Variants in MYLK3 observed in about 807,000 individuals in gnomAD.
MYLK3 encodes the protein MLC kinase.
A neutral mutation model predicts 76.3 loss-of-function variants in MYLK3; 55 were observed. The observed-to-expected ratio is 0.72, with a 90% CI of 0.58 to 0.90. The LOEUF (loss-of-function observed/expected upper bound fraction) is 0.90. Among genes scored for constraint, MYLK3 ranks in the 40% least tolerant of loss-of-function variants. The probability of loss-of-function intolerance (pLI) is 0.00; values close to 1 mark genes in which losing one functional copy is unlikely to be tolerated. For missense variants in MYLK3, 973 were observed against 1,053.6 expected (o/e 0.92, Z 1.06); for synonymous variants, 416 against 425.4 (o/e 0.98, Z 0.27).
At chr16:46,750,210 G>A (rs1246766780), upstream of MYLK3, among the ~76,000 whole-genome samples, 1 of 152,198 alleles carries the variant, frequency 6.6e-6, no homozygotes, top group Admixed American at 6.5e-5. Context: ...GGAAATGGCT[G>A]CTTAGAGAAG....
At chr16:46,755,407 G>A (rs1395725108) in intron 1 of MYLK3, among the ~76,000 whole-genome samples, 4 of 150,994 alleles carry the variant, frequency 2.6e-5, no homozygotes, top group Admixed American at 6.6e-5. Flanking sequence ...GGAGTGAGCC[G>A]AGATTGCGCC....
At chr16:46,742,447 AACACACACACACACACACACAC>A (rs57671045) in intron 1 of MYLK3, among the ~76,000 whole-genome samples, 1 of 131,094 alleles carries the variant, frequency 7.6e-6, no homozygotes, top group Non-Finnish European at 1.6e-5. Context: ...TCCCAGCAAA[AACACACACACACACACACACAC>A]ACACACACAC....
At chr16:46,762,797 C>G (rs1567295879) in intron 1 of MYLK3, among the ~76,000 whole-genome samples, 2 of 152,184 alleles carry the variant, frequency 1.3e-5, no homozygotes. Context: ...ATCTGAGCAC[C>G]TGTATGACTC....
At chr16:46,720,927 C>T (rs1055908592) in intron 9 of MYLK3, among the ~76,000 whole-genome samples, 196 bp downstream of exon 9, 1 of 152,130 alleles carries the variant, frequency 6.6e-6, no homozygotes, top group Non-Finnish European at 1.5e-5. Flanking sequence ...AGAAGCAGAG[C>T]CCACAGCACA....
At chr16:46,742,806 C>T (rs1966955279) in intron 1 of MYLK3, among the ~76,000 whole-genome samples, 1 of 152,232 alleles carries the variant, frequency 6.6e-6, no homozygotes, top group African/African-American at 2.4e-5. Context: ...CCAGCGTCAT[C>T]AATGTGGCCC....
In MYLK3 at chr16:46,761,232, C is replaced by T. The variant is rs555821311; in HGVS notation, c.-114+1808G>A. 8.5e-5 allele frequency among the ~76,000 whole-genome samples: 13 copies of T among 152,172 alleles called. No homozygotes were observed. The South Asian group carries it at 2.7e-3, about 32-fold the overall frequency. On this transcript the variant is annotated intron_variant, in intron 1 of 11. Coordinates refer to the MYLK3 transcript ENST00000536476. ...GGGGTGAGGATGCAAGGACCACCCT[C>T]CAGCCACACGACATCAATGGAGGCC...
chr16:46,762,546 T>G (rs146568926), intron 1 of MYLK3, among the ~76,000 whole-genome samples: 1 of 152,330 alleles, frequency 6.6e-6, no homozygotes, highest in East Asian at 1.9e-4. Context: ...TGCTTAGGCT[T>G]AAATGAACAG....
chr16:46,724,271 T>C (rs1966828551), intron 8 of MYLK3, among the ~76,000 whole-genome samples: 1 of 152,226 alleles, frequency 6.6e-6, no homozygotes. Flanking sequence ...ACTTTTCTCA[T>C]GGTATCCTTT....
intron 9 of MYLK3, among the ~76,000 whole-genome samples, chr16:46,714,251 T>A (rs1966714652): frequency 6.6e-6 from 1 of 152,144 alleles, no homozygotes; most frequent in Non-Finnish European, 1.5e-5. Context: ...ATGAAATAGG[T>A]AGGATTATTG....
chr16:46,721,121 A>T lies in MYLK3; in HGVS notation c.1985+2T>A. On this transcript the variant is annotated splice_donor_variant, in intron 9 of 12. Coordinates refer to ENST00000394809, the MANE Select transcript of MYLK3 (RefSeq NM_182493.3). LOFTEE classifies it high-confidence loss of function. The stretch of plus-strand genomic sequence containing the variant: ...TAAGGTATCTAAATAAAACCCCCTT[A>T]CCTTCTGGCCAGCCCAAAGTCAATG... 1 of 1,613,918 alleles carries T rather than the reference A, an allele frequency of 6.2e-7. No homozygotes were observed.
chr16:46,727,490 C>A, intron 7 of MYLK3, 113 bp from the exon 8 acceptor site: 1 of 1,185,454 alleles, frequency 8.4e-7, no homozygotes. Context: ...CCATCACACC[C>A]CATGGGTCAC....
rs1966615323 is a variant in MYLK3 at position 46,705,527 on chromosome 16, A to C, written c.*2177T>G. ...CTGGGTGACAGAGGAAGACTCTCTC[A>C]AAAAAAATAAAAAACTAAAGCTGCT... On this transcript the variant is annotated 3_prime_UTR_variant, in exon 13 of 13. Coordinates refer to ENST00000394809, the MANE Select transcript of MYLK3 (RefSeq NM_182493.3). 6.6e-6 allele frequency: 1 copy of C among 151,756 alleles called. No individual in the cohort carries two copies. Among genetic ancestry groups the C allele is most frequent in the African/African-American group, 2.4e-5 (1 of 41,264 alleles). 9.4% of individuals were successfully genotyped at this position (151,756 alleles called of 1,614,324 possible).
intron 4 of MYLK3, 90 bp downstream of exon 4, chr16:46,732,118 C>G: frequency 5.2e-6 from 6 of 1,144,708 alleles, no homozygotes; most frequent in Non-Finnish European, 7.2e-6. Context: ...TGATCTACCC[C>G]TGGAAGCTAC....
Position 46,732,193 on chromosome 16 carries a change from A to T in MYLK3, c.1462+15T>A. 4 of 1,559,032 alleles carry T rather than the reference A, an allele frequency of 2.6e-6. No individual in the cohort carries two copies. The South Asian group carries it at 4.7e-5, about 18-fold the overall frequency. ...CCTCAGGGCTCGTGTCTAGCCAGGCAACAGCCCCACTTACCCAGAACCACG... is the reference window on the plus strand; with the variant it reads ...CCTCAGGGCTCGTGTCTAGCCAGGCTACAGCCCCACTTACCCAGAACCACG... On this transcript the variant is annotated intron_variant, in intron 4 of 12. Coordinates refer to ENST00000394809, the MANE Select transcript of MYLK3 (RefSeq NM_182493.3).
At chr16:46,733,168 C>G (rs808782) in intron 3 of MYLK3, among the ~76,000 whole-genome samples, 2 of 152,086 alleles carry the variant, frequency 1.3e-5, no homozygotes, top group Non-Finnish European at 2.9e-5. Flanking sequence ...TTGAGACCAG[C>G]CTGGGCAACA....
chr16:46,752,586 T>C (rs1294353507), upstream of MYLK3, among the ~76,000 whole-genome samples: 2 of 152,126 alleles, frequency 1.3e-5, no homozygotes, highest in Non-Finnish European at 2.9e-5. Flanking sequence ...TTCCAGGCTT[T>C]ATTAACCCAG....
chr16:46,762,705 T>C (rs566689077), intron 1 of MYLK3, among the ~76,000 whole-genome samples: 1 of 152,198 alleles, frequency 6.6e-6, no homozygotes, highest in Non-Finnish European at 1.5e-5. Flanking sequence ...GTACAACTCA[T>C]AAACCACACA....
intron 10 of MYLK3, 61 bp from the exon 11 acceptor site, chr16:46,710,850 A>C: frequency 6.3e-7 from 1 of 1,598,488 alleles, no homozygotes; most frequent in South Asian, 1.1e-5. Context: ...ATGCATTGGC[A>C]GAATAGAGAA....
intron 9 of MYLK3, among the ~76,000 whole-genome samples, chr16:46,716,493 ATATATGTG>A (rs1399252436): frequency 5.5e-5 from 3 of 54,778 alleles, no homozygotes; most frequent in East Asian, 5.3e-3. Flanking sequence ...GTATGTGTAT[ATATATGTG>A]TGTGTGTGTG....
Sources: allele counts gnomAD v4.1 joint callset (sites outside exome capture counted in the v4.1 genomes callset), GRCh38; gene constraint gnomAD v4.1.1; transcripts MANE v1.5; gene names NCBI Gene and HGNC (gene_info 2026-07-23, HGNC 2026-07-21).